GALNT15: variants seen among roughly 807,000 people sequenced by gnomAD.
GALNT15 encodes UDP-GalNAc transferase T15.
A neutral mutation model predicts 66.8 loss-of-function variants in GALNT15; 67 were observed. That is an observed-to-expected ratio of 1.00 (90% CI 0.82 to 1.23). The LOEUF is 1.23. Ranked by LOEUF, GALNT15 falls within the 50% of genes most tolerant of loss-of-function variation. GALNT15 has a pLI of 0.00. For missense variants in GALNT15, 827 were observed against 804.3 expected, an observed-to-expected ratio of 1.03 and a Z score of -0.34; for synonymous variants, 313 against 311.5, an observed-to-expected ratio of 1.00 and a Z score of -0.05.
At chr3:16,213,374 G>T (rs1224985190) in intron 6 of GALNT15, among the ~76,000 whole-genome samples, 1 of 142,462 alleles carries the variant, frequency 7.0e-6, no homozygotes, top group Non-Finnish European at 1.5e-5. Flanking sequence ...AGAATGGCAT[G>T]AAGCTGGGAG....
At position 16,195,720 on chromosome 3, in the gene GALNT15, C is replaced by A; in HGVS notation, c.540-40C>A. The A allele has an allele frequency of 3.8e-6, 6 of 1,579,470 alleles. No homozygotes were observed. Among genetic ancestry groups the A allele is most frequent in the Non-Finnish European group, 4.3e-6 (5 of 1,156,354 alleles). ...AGAGGGTGTGGAGTGTTTCTTGTGG[C>A]CTTCTCTTCCCCATGGCTCTCTGGC... On this transcript the variant is annotated intron_variant, in intron 1 of 9. Coordinates refer to ENST00000339732, the MANE Select transcript of GALNT15 (RefSeq NM_054110.5). This position sits in a 1 kb window ranked among gnomAD's most constrained non-coding sequence, Gnocchi z 4.6.
Position 16,195,801 on chromosome 3 carries a change from G to A in GALNT15, c.581G>A (p.Ser194Asn). Residue 194 changes from serine to asparagine, a missense_variant, in exon 2 of 10, where the codon AGC becomes AAC. Physicochemically the swap from Ser to Asn is conservative, Grantham distance 46. Coordinates refer to ENST00000339732, the MANE Select transcript of GALNT15 (RefSeq NM_054110.5). This position sits in a 1 kb window ranked among gnomAD's most constrained non-coding sequence, Gnocchi z 4.6. Reference protein sequence around the residue: ...QHPQDSLPTASVILCFHDEAW... With the variant: ...QHPQDSLPTANVILCFHDEAW... ...CCTCAGGACAGCCTGCCCACAGCCA[G>A]CGTCATCCTCTGTTTCCATGATGAG... The A allele has an allele frequency of 6.2e-7, 1 of 1,613,916 alleles. No individual in the cohort carries two copies. The highest frequency in any genetic ancestry group is 8.5e-7 in the Non-Finnish European group (1 of 1,179,868).
At chr3:16,194,831 G>A (rs1487576540) in intron 1 of GALNT15, among the ~76,000 whole-genome samples, 1 of 152,158 alleles carries the variant, frequency 6.6e-6, no homozygotes, top group East Asian at 1.9e-4. Context: ...GGCCTGTTGT[G>A]GGGGCATGGG....
chr3:16,181,453 G>A lies in GALNT15; in HGVS notation c.539+5763G>A, dbSNP rs956853372. 2.0e-5 allele frequency among the ~76,000 whole-genome samples: 3 copies of A among 152,050 alleles called. No homozygotes were observed. Among genetic ancestry groups the A allele is most frequent in the Admixed American group, 6.6e-5 (1 of 15,254 alleles). On this transcript the variant is annotated intron_variant, in intron 1 of 9. Coordinates refer to ENST00000339732, the MANE Select transcript of GALNT15 (RefSeq NM_054110.5). This position sits in a 1 kb window ranked among gnomAD's most constrained non-coding sequence, Gnocchi z 5.9. Reference sequence around the variant, plus strand: ...ACTTCCTGCCCCAGAGGCCATAATGGGCAAGGGGTCAGAGGGAAGGGCAGG... The same window carrying A: ...ACTTCCTGCCCCAGAGGCCATAATGAGCAAGGGGTCAGAGGGAAGGGCAGG...
At chr3:16,242,048 G>A in the GALNT15 span, among the ~76,000 whole-genome samples, 3 of 152,274 alleles carry the variant, frequency 2.0e-5, no homozygotes, top group Admixed American at 6.5e-5. This position sits in a 1 kb window ranked among gnomAD's most constrained non-coding sequence, Gnocchi z 5.6. Context: ...ACTTGTCTCC[G>A]TCATCTCTGT....
At chr3:16,208,710 C>G (rs2063783431) in intron 4 of GALNT15, 40 bp downstream of exon 4, 1 of 1,593,062 alleles carries the variant, frequency 6.3e-7, no homozygotes, top group Non-Finnish European at 8.6e-7. Flanking sequence ...ATTGCCTCCT[C>G]AGGATGGACT....
chr3:16,221,960 A>G (rs2063947055), intron 8 of GALNT15, among the ~76,000 whole-genome samples: 1 of 152,228 alleles, frequency 6.6e-6, no homozygotes, highest in Non-Finnish European at 1.5e-5. Context: ...CCATCTAAGC[A>G]TGAGGCCCCA....
chr3:16,179,982 G>C (rs190452698), intron 1 of GALNT15, among the ~76,000 whole-genome samples: 2 of 152,304 alleles, frequency 1.3e-5, no homozygotes, highest in African/African-American at 4.8e-5. Flanking sequence ...GCTCTCCTTT[G>C]ATCATCCTGG....
the GALNT15 span, among the ~76,000 whole-genome samples, chr3:16,246,039 C>T: frequency 1.1e-3 from 172 of 152,256 alleles, no homozygotes; most frequent in African/African-American, 3.9e-3. Context: ...AGCTATCTGG[C>T]CTTCAGCTTT....
In GALNT15 at chr3:16,204,020, A is replaced by G. The variant is rs955708778; in HGVS notation, c.911+3197A>G. ...GTCACCAGATGAGGACACAGTGCCCAAAAGACAGAAAAGGGTCTTTAAGAG... is the reference window on the plus strand; with the variant it reads ...GTCACCAGATGAGGACACAGTGCCCGAAAGACAGAAAAGGGTCTTTAAGAG... On this transcript the variant is annotated intron_variant, in intron 3 of 9. Transcript: ENST00000339732. The surrounding 1 kb of genome is among the most constrained non-coding windows in gnomAD (Gnocchi z 4.5). Among the ~76,000 whole-genome samples the G allele has an allele frequency of 1.3e-5, 2 of 152,148 alleles. No individual in the cohort carries two copies. The highest frequency in any genetic ancestry group is 2.9e-5 in the Non-Finnish European group (2 of 67,984).
At chr3:16,222,504 T>C in intron 8 of GALNT15, 111 bp from the exon 9 acceptor site, 1 of 1,306,578 alleles carries the variant, frequency 7.7e-7, no homozygotes. Context: ...CCCGATAGAA[T>C]CTGAAGATTG....
Position 16,175,491 on chromosome 3 carries a change from G to A in GALNT15, c.340G>A (p.Gly114Ser), listed in dbSNP as rs761576068. ...ARRNQSQGRRGGSYRLIKQPR... is the reference protein window; with the variant it reads ...ARRNQSQGRRSGSYRLIKQPR... ...AAGGAACCAGAGCCAGGGCAGGAGA[G>A]GTGGGAGCTACCGCCTCATCAAGCA... Residue 114 changes from glycine (G) to serine (S), a missense_variant, in exon 1 of 10, where the codon GGT becomes AGT. By Grantham distance (56) the Gly-to-Ser change is moderately conservative. Coordinates refer to ENST00000339732, the MANE Select transcript of GALNT15 (RefSeq NM_054110.5). This position sits in a 1 kb window ranked among gnomAD's most constrained non-coding sequence, Gnocchi z 5.6. 6 of 1,613,916 alleles carry A rather than the reference G, an allele frequency of 3.7e-6. No homozygotes were observed. Among genetic ancestry groups the A allele is most frequent in the Non-Finnish European group, 5.1e-6 (6 of 1,179,854 alleles).
At chr3:16,178,524 C>T (rs1258632969) in intron 1 of GALNT15, among the ~76,000 whole-genome samples, 2 of 152,198 alleles carry the variant, frequency 1.3e-5, no homozygotes, top group Admixed American at 6.5e-5. Context: ...CCTCTGCTGG[C>T]CCCGGCTGGT....
chr3:16,242,154 C>T, the GALNT15 span, among the ~76,000 whole-genome samples: 1 of 152,218 alleles, frequency 6.6e-6, no homozygotes, highest in Admixed American at 6.5e-5. This position sits in a 1 kb window ranked among gnomAD's most constrained non-coding sequence, Gnocchi z 5.6. Context: ...CATAACATCT[C>T]CTCCAGCATA....
chr3:16,223,120 CA>C (rs1382453808), intron 9 of GALNT15, among the ~76,000 whole-genome samples: 1 of 152,128 alleles, frequency 6.6e-6, no homozygotes, highest in Non-Finnish European at 1.5e-5. Context: ...AGGAGCAATT[CA>C]AAGTCCCTCC....
At chr3:16,192,541 C>T (rs372696307) in intron 1 of GALNT15, among the ~76,000 whole-genome samples, 1 of 152,154 alleles carries the variant, frequency 6.6e-6, no homozygotes. Context: ...CTGTCTAGGA[C>T]CCCTGGGTTT....
chr3:16,232,035 C>A, downstream of GALNT15: 3 of 1,299,108 alleles, frequency 2.3e-6, no homozygotes, highest in Non-Finnish European at 3.1e-6. Context: ...TGCACCAATG[C>A]AGAAACTGTT....
At position 16,198,541 on chromosome 3, in the gene GALNT15, A is replaced by G. The variant is rs186984138; in HGVS notation, c.707-2078A>G. Among the ~76,000 whole-genome samples the G allele has an allele frequency of 2.0e-4, 29 of 142,126 alleles. 6 individuals are homozygous for G. Among genetic ancestry groups the G allele is most frequent in the Admixed American group, 1.2e-3 (17 of 14,016 alleles). 93.2% of individuals were successfully genotyped at this position (142,126 alleles called of 152,430 possible). On this transcript the variant is annotated intron_variant, in intron 2 of 9. Transcript: ENST00000339732. ...GGTGAGGAAGATGTTACATTTAGCA[A>G]TGTTAAAGCCAATGAAGTCACTGAG...
In GALNT15 at chr3:16,186,049, G is replaced by T. The variant is rs748182913; in HGVS notation, c.540-9711G>T. ...AGAAAATGTTTGTAAGTCCTATATT[G>T]CATAAGAGATTTGTATCCAAAATAC... On this transcript the variant is annotated intron_variant, in intron 1 of 9. Transcript: ENST00000339732. This position sits in a 1 kb window ranked among gnomAD's most constrained non-coding sequence, Gnocchi z 5.1. Among the ~76,000 whole-genome samples, 1 of 152,086 alleles carries T rather than the reference G, an allele frequency of 6.6e-6. No homozygotes were observed. Among genetic ancestry groups the T allele is most frequent in the Non-Finnish European group, 1.5e-5 (1 of 68,024 alleles).
Sources: gnomAD v4.1 joint callset for allele counts (sites outside exome capture counted in the v4.1 genomes callset) on GRCh38, gnomAD v4.1.1 for gene constraint, Gnocchi (gnomAD v3.1) non-coding constraint, MANE v1.5 for transcripts, NCBI Gene and HGNC (gene_info 2026-07-23, HGNC 2026-07-21) for gene names.